WDFY3: variants seen among roughly 807,000 people sequenced by gnomAD.
WDFY3 encodes WD repeat and FYVE domain containing 3.
In WDFY3, 66 loss-of-function variants were observed where a neutral mutation model predicts 409.6. The ratio of observed to expected loss-of-function variants is 0.16; its 90% CI spans 0.13 to 0.20. The LOEUF is 0.20. Among genes scored for constraint, WDFY3 ranks in the 10% least tolerant of loss-of-function variants. The pLI is 1.00. For synonymous variants in WDFY3, 1,521 were observed against 1,537.1 expected, an observed-to-expected ratio of 0.99 and a Z score of 0.25; for missense variants, 3,031 against 4,298.1, an observed-to-expected ratio of 0.71 and a Z score of 8.24.
At chr4:84,852,763 CCT>C (rs1491113650) in intron 4 of WDFY3, among the ~76,000 whole-genome samples, 4 of 151,542 alleles carry the variant, frequency 2.6e-5, no homozygotes, top group African/African-American at 7.3e-5. Flanking sequence ...ATAAACCTCC[CCT>C]TTTTTTTTTT....
At chr4:84,843,079 T>A (rs1757599855) in intron 5 of WDFY3, among the ~76,000 whole-genome samples, 2 of 152,188 alleles carry the variant, frequency 1.3e-5, no homozygotes, top group African/African-American at 4.8e-5. Context: ...TGGGTTTAAC[T>A]CATTTAACCT....
At chr4:84,746,375 G>C (rs1029007176) in intron 36 of WDFY3, among the ~76,000 whole-genome samples, 1 of 152,130 alleles carries the variant, frequency 6.6e-6, no homozygotes, top group Non-Finnish European at 1.5e-5. Flanking sequence ...AATGAGATTA[G>C]TAATGAGTAG....
At chr4:84,953,659 T>C (rs542476396) in intron 1 of WDFY3, among the ~76,000 whole-genome samples, 12 of 150,892 alleles carry the variant, frequency 8.0e-5, no homozygotes, top group Non-Finnish European at 1.5e-4. Context: ...AAGATTCTCA[T>C]ATTATAAGTA....
At chr4:84,936,199 C>G (rs781765675) in intron 1 of WDFY3, among the ~76,000 whole-genome samples, 2 of 152,110 alleles carry the variant, frequency 1.3e-5, no homozygotes, top group Admixed American at 6.6e-5. Flanking sequence ...TATATTAATA[C>G]TTAAAATGGA....
intron 11 of WDFY3, among the ~76,000 whole-genome samples, chr4:84,820,473 C>A (rs891337332): frequency 6.6e-6 from 1 of 151,858 alleles, no homozygotes; most frequent in Non-Finnish European, 1.5e-5. Flanking sequence ...AGAGGGTTTT[C>A]CTAATAAAGG....
intron 1 of WDFY3, among the ~76,000 whole-genome samples, chr4:84,934,646 C>A (rs1771182825): frequency 6.6e-6 from 1 of 152,034 alleles, no homozygotes; most frequent in South Asian, 2.1e-4. Flanking sequence ...TATAGCTTAT[C>A]TTTTAATATA....
chr4:84,817,611 C>A, intron 12 of WDFY3, 26 bp from the exon 13 acceptor site: 1 of 1,568,178 alleles, frequency 6.4e-7, no homozygotes, highest in Non-Finnish European at 8.7e-7. Context: ...AAAAGTCCAA[C>A]AATGGCTACT....
chr4:84,794,805 A>C, intron 20 of WDFY3, 68 bp from the exon 21 acceptor site: 1 of 1,519,508 alleles, frequency 6.6e-7, no homozygotes, highest in Non-Finnish European at 8.8e-7. Flanking sequence ...GATGCCAACA[A>C]AAGCAAATAA....
intron 44 of WDFY3, among the ~76,000 whole-genome samples, chr4:84,727,991 T>C: frequency 6.6e-6 from 1 of 151,274 alleles, no homozygotes; most frequent in South Asian, 2.1e-4. Context: ...TAGACCATAA[T>C]AAAATAAAAG....
At position 84,713,194 on chromosome 4, in the gene WDFY3, T is replaced by C. The variant is rs765054707; in HGVS notation, c.8007A>G (p.Val2669=). 6.2e-7 allele frequency: 1 copy of C among 1,614,194 alleles called. No homozygotes were observed. The highest frequency in any genetic ancestry group is 8.5e-7 in the Non-Finnish European group (1 of 1,180,034). Residue 2669 remains valine, a synonymous_variant, in exon 51 of 68, where the codon GTA becomes GTG. Transcript: ENST00000295888. Reference sequence around the variant, plus strand: ...CACTCGTGTTTGGTCGTTGCCCAGATACAGATTCTGAACTGTCCGTTAGAG... The same window carrying C: ...CACTCGTGTTTGGTCGTTGCCCAGACACAGATTCTGAACTGTCCGTTAGAG... ...VPSLTDSSES[V]SGQRPNTSVE... is the part of the protein sequence containing the mutation.
chr4:84,928,679 T>C (rs895461439), intron 2 of WDFY3, among the ~76,000 whole-genome samples: 3 of 152,176 alleles, frequency 2.0e-5, no homozygotes, highest in African/African-American at 7.2e-5. Context: ...CCTAATACTT[T>C]ATAATACCTT....
At chr4:84,921,988 C>CA (rs1009255436) in intron 2 of WDFY3, among the ~76,000 whole-genome samples, 55 of 151,690 alleles carry the variant, frequency 3.6e-4, no homozygotes, top group African/African-American at 1.3e-3. Context: ...TTTCTCAGTT[C>CA]AAGGCATCAA....
chr4:84,906,002 G>A (rs998214703), intron 2 of WDFY3, among the ~76,000 whole-genome samples: 2 of 151,996 alleles, frequency 1.3e-5, no homozygotes, highest in African/African-American at 4.8e-5. Context: ...CATGGTCTGC[G>A]CTTAACATCA....
In WDFY3 at chr4:84,721,542, C is replaced by T. The variant is rs1184799850; in HGVS notation, c.7472G>A (p.Arg2491Gln). The change falls in exon 47 of 68, where the codon CGA becomes CAA. Residue 2491 changes from arginine to glutamine, a missense_variant. Arg to Gln is a conservative substitution (Grantham distance 43). Around this residue, in one of 16 missense-constraint regions of WDFY3, gnomAD observed 127 missense variants for 144.4 expected, o/e 0.88. Transcript: ENST00000295888. ...GLVKPPLKRSRSAPDGGDEEN... is the reference protein window; with the variant it reads ...GLVKPPLKRSQSAPDGGDEEN... ...CTCATCTCCTCCATCAGGTGCAGAT[C>T]GGGAGCGTTTTAGAGGAGGCTTGAC... 9.9e-6 allele frequency: 16 copies of T among 1,609,102 alleles called. No individual in the cohort carries two copies. The highest frequency in any genetic ancestry group is 6.7e-5 in the Admixed American group (4 of 59,994).
At chr4:84,901,358 G>A (rs1766318406) in intron 2 of WDFY3, among the ~76,000 whole-genome samples, 2 of 152,040 alleles carry the variant, frequency 1.3e-5, no homozygotes, top group African/African-American at 2.4e-5. Context: ...TAAGGTCCTC[G>A]TGGGGATCAG....
At chr4:84,748,367 T>A (rs1019722932) in intron 36 of WDFY3, among the ~76,000 whole-genome samples, 1 of 152,316 alleles carries the variant, frequency 6.6e-6, no homozygotes, top group East Asian at 1.9e-4. Context: ...GTGAAGAGAA[T>A]TGAACTTGGT....
At chr4:84,797,764 T>C (rs759918146) in intron 18 of WDFY3, among the ~76,000 whole-genome samples, 7 of 151,882 alleles carry the variant, frequency 4.6e-5, no homozygotes, top group African/African-American at 9.7e-5. Flanking sequence ...TTGTATTTTT[T>C]AGAAGAGACG....
chr4:84,885,781 G>T (rs577122171), intron 3 of WDFY3, among the ~76,000 whole-genome samples: 65 of 152,282 alleles, frequency 4.3e-4, no homozygotes, highest in African/African-American at 1.5e-3. Flanking sequence ...TAGACATGTG[G>T]ACAGAAACTA....
intron 55 of WDFY3, 21 bp downstream of exon 55, chr4:84,704,317 A>AC: frequency 6.5e-7 from 1 of 1,542,972 alleles, no homozygotes; most frequent in Non-Finnish European, 8.8e-7. Flanking sequence ...AAATAGAAAA[A>AC]CCCCAAATTT....
Sources: allele counts gnomAD v4.1 joint callset (sites outside exome capture counted in the v4.1 genomes callset), GRCh38; gene constraint gnomAD v4.1.1; regional missense constraint gnomAD v4.1.1; transcripts MANE v1.5; gene names NCBI Gene and HGNC (gene_info 2026-07-23, HGNC 2026-07-21).